The following ASIC2 variants were observed in gnomAD, a reference collection of about 807,000 sequenced individuals.
ASIC2 encodes the protein acid sensing ion channel subunit 2.
ASIC2 carries 25 observed loss-of-function variants against 57.3 expected under a neutral mutation model. That is an observed-to-expected ratio of 0.44 (90% CI 0.32 to 0.61). The LOEUF is 0.61. Among genes scored for constraint, ASIC2 ranks in the 20% least tolerant of loss-of-function variants. The pLI, the probability that ASIC2 is intolerant of heterozygous loss-of-function variation, is 0.06. For missense variants in ASIC2, 641 were observed against 738.1 expected, an observed-to-expected ratio of 0.87 and a Z score of 1.52; for synonymous variants, 319 against 307.5, an observed-to-expected ratio of 1.04 and a Z score of -0.39.
chr17:34,079,283 C>G (rs1245534516), intron 1 of ASIC2, among the ~76,000 whole-genome samples: 1 of 152,172 alleles, frequency 6.6e-6, no homozygotes, highest in Non-Finnish European at 1.5e-5. Flanking sequence ...CTCCCTCCCC[C>G]CAGTATGAAG....
intron 1 of ASIC2, among the ~76,000 whole-genome samples, chr17:34,053,948 T>C (rs1908663339): frequency 6.6e-6 from 1 of 152,212 alleles, no homozygotes; most frequent in Admixed American, 6.5e-5. Context: ...AAGACCTCCA[T>C]TCTGTACAGG....
chr17:33,605,698 C>T (rs1440857245), intron 1 of ASIC2, among the ~76,000 whole-genome samples: 1 of 152,154 alleles, frequency 6.6e-6, no homozygotes, highest in African/African-American at 2.4e-5. Context: ...AGTAAAAAAA[C>T]ACTGGCCGAG....
intron 1 of ASIC2, among the ~76,000 whole-genome samples, chr17:33,810,024 A>C (rs1912374228): frequency 6.6e-6 from 1 of 152,192 alleles, no homozygotes; most frequent in Admixed American, 6.5e-5. Context: ...GAAACTTTAG[A>C]TTTAACTTCC....
intron 1 of ASIC2, among the ~76,000 whole-genome samples, chr17:33,623,233 AT>A (rs1905856382): frequency 1.2e-5 from 1 of 80,854 alleles, no homozygotes; most frequent in African/African-American, 5.7e-5. Flanking sequence ...CTCTTGTGAT[AT>A]CGTTTTTTTT....
At chr17:33,752,692 C>T (rs1426062048) in intron 1 of ASIC2, among the ~76,000 whole-genome samples, 1 of 152,084 alleles carries the variant, frequency 6.6e-6, no homozygotes, top group Non-Finnish European at 1.5e-5. Context: ...GATAAGTATA[C>T]AAAAAGATGC....
chr17:34,005,916 T>C (rs1402973513), intron 1 of ASIC2: 3 of 152,224 alleles, frequency 2.0e-5, no homozygotes, highest in Non-Finnish European at 4.4e-5. Flanking sequence ...CATGTTTGCA[T>C]TGCTGGAGCC....
intron 1 of ASIC2, among the ~76,000 whole-genome samples, chr17:33,718,132 G>A (rs533517199): frequency 7.2e-5 from 11 of 152,164 alleles, no homozygotes; most frequent in South Asian, 6.2e-4. Flanking sequence ...TATAGGATTC[G>A]CACATAACCT....
At chr17:33,455,957 G>C (rs1212709160) in intron 1 of ASIC2, among the ~76,000 whole-genome samples, 1 of 152,206 alleles carries the variant, frequency 6.6e-6, no homozygotes, top group East Asian at 1.9e-4. Context: ...GAGGAGCCAG[G>C]ACAGCTCAGA....
At chr17:33,081,642 C>A (rs1440509762) in intron 3 of ASIC2, among the ~76,000 whole-genome samples, 2 of 152,056 alleles carry the variant, frequency 1.3e-5, no homozygotes, top group African/African-American at 4.8e-5. Flanking sequence ...ATCTGGCTGT[C>A]AGATTGACAA....
chr17:33,376,969 G>C (rs1200741985), intron 1 of ASIC2, among the ~76,000 whole-genome samples: 1 of 152,182 alleles, frequency 6.6e-6, no homozygotes, highest in Non-Finnish European at 1.5e-5. Context: ...GATCAAAGAG[G>C]CTAAGTAATT....
At chr17:33,574,997 A>G (rs1916572591) in intron 1 of ASIC2, among the ~76,000 whole-genome samples, 1 of 152,200 alleles carries the variant, frequency 6.6e-6, no homozygotes, top group Non-Finnish European at 1.5e-5. Context: ...CTGTTTCAGC[A>G]GAGTGGAAAG....
intron 1 of ASIC2, among the ~76,000 whole-genome samples, chr17:34,035,207 A>T (rs375340918): frequency 6.9e-6 from 1 of 144,398 alleles, no homozygotes; most frequent in Non-Finnish European, 1.5e-5. Context: ...ATAATGCTGC[A>T]TATCTACAAC....
intron 3 of ASIC2, among the ~76,000 whole-genome samples, chr17:33,061,693 G>T (rs1349019026): frequency 6.6e-6 from 1 of 152,188 alleles, no homozygotes; most frequent in East Asian, 1.9e-4. Flanking sequence ...AGTTAGGGAG[G>T]ATTCCCTCTT....
chr17:33,368,774 G>A (rs1163673344), intron 1 of ASIC2, among the ~76,000 whole-genome samples: 1 of 152,126 alleles, frequency 6.6e-6, no homozygotes, highest in Non-Finnish European at 1.5e-5. Flanking sequence ...CAATGATGGA[G>A]GTTCTGCTGC....
chr17:34,051,818 AACACACACACAC>A (rs35015333), intron 1 of ASIC2: 1 of 147,528 alleles, frequency 6.8e-6, no homozygotes, highest in Non-Finnish European at 1.5e-5. Context: ...GAATTTTCTG[AACACACACACAC>A]ACACACACAC....
rs1908072420 is a variant in ASIC2 at position 33,231,037 on chromosome 17, C to T, written c.708+60371G>A. Reference sequence around the variant, plus strand: ...GTTAAACAGAGGAAGAACTAATAAGCTGCCCAGCTTTGGGAGCCTAAGACA... The same window carrying T: ...GTTAAACAGAGGAAGAACTAATAAGTTGCCCAGCTTTGGGAGCCTAAGACA... On this transcript the variant is annotated intron_variant, in intron 1 of 9. Coordinates refer to ENST00000225823, the MANE Select transcript of ASIC2 (RefSeq NM_183377.2). 2.6e-5 allele frequency among the ~76,000 whole-genome samples: 4 copies of T among 152,170 alleles called. No individual in the cohort carries two copies. The South Asian group carries it at 8.3e-4, about 32-fold the overall frequency.
upstream of ASIC2, among the ~76,000 whole-genome samples, chr17:33,294,315 G>T (rs1277774168): frequency 6.6e-6 from 1 of 152,210 alleles, no homozygotes; most frequent in African/African-American, 2.4e-5. Flanking sequence ...ACCAACGTGT[G>T]TATCCTTTGG....
chr17:33,542,233 T>C (rs1383602067), intron 1 of ASIC2, among the ~76,000 whole-genome samples: 1 of 151,818 alleles, frequency 6.6e-6, no homozygotes, highest in Non-Finnish European at 1.5e-5. Context: ...TATAGCAGCA[T>C]GATTTATAGT....
intron 1 of ASIC2, among the ~76,000 whole-genome samples, chr17:33,272,273 C>T (rs181524861): frequency 3.3e-5 from 5 of 152,284 alleles, no homozygotes; most frequent in East Asian, 1.9e-4. Context: ...TATATGTTTA[C>T]CATCTACCTT....
Sources: allele counts gnomAD v4.1 joint callset (sites outside exome capture counted in the v4.1 genomes callset), GRCh38; gene constraint gnomAD v4.1.1; transcripts MANE v1.5; gene names NCBI Gene and HGNC (gene_info 2026-07-23, HGNC 2026-07-21).